The following CPNE4 variants were observed in gnomAD, a reference collection of about 807,000 sequenced individuals.
CPNE4 encodes the protein copine 4.
CPNE4 carries 25 observed loss-of-function variants against 67.9 expected under a neutral mutation model. The ratio of observed to expected loss-of-function variants is 0.37; its 90% CI spans 0.27 to 0.51. CPNE4 has a LOEUF of 0.51. CPNE4 is among the 20% of genes least tolerant of loss of function. The probability of loss-of-function intolerance (pLI) is 0.93; values close to 1 mark genes in which losing one functional copy is unlikely to be tolerated. For missense variants in CPNE4, 464 were observed against 690.8 expected, an observed-to-expected ratio of 0.67 and a Z score of 3.68; for synonymous variants, 242 against 244.9, an observed-to-expected ratio of 0.99 and a Z score of 0.11.
intron 2 of CPNE4, among the ~76,000 whole-genome samples, chr3:131,738,827 A>G (rs1484098602): frequency 6.6e-6 from 1 of 151,168 alleles, no homozygotes; most frequent in African/African-American, 2.4e-5. Flanking sequence ...CATAATATGT[A>G]CATATTCATC....
At chr3:131,743,964 A>AAAAAAAAC (rs1216141914) in intron 2 of CPNE4, among the ~76,000 whole-genome samples, 2 of 143,642 alleles carry the variant, frequency 1.4e-5, no homozygotes, top group African/African-American at 2.7e-5. Context: ...CTCCGTCTCA[A>AAAAAAAAC]AAAAAAAAAA....
chr3:132,006,396 C>T (rs1014549110), intron 1 of CPNE4, among the ~76,000 whole-genome samples: 1 of 152,100 alleles, frequency 6.6e-6, no homozygotes, highest in Non-Finnish European at 1.5e-5. Context: ...TTTCTTACTC[C>T]TCCCCCGCTT....
intron 6 of CPNE4, among the ~76,000 whole-genome samples, chr3:131,684,968 TG>T (rs2080853515): frequency 6.6e-6 from 1 of 152,160 alleles, no homozygotes; most frequent in African/African-American, 2.4e-5. Flanking sequence ...ACTAAGTGGC[TG>T]CTAAGAAAGG....
At chr3:131,557,168 G>A (rs549479334) in intron 11 of CPNE4, among the ~76,000 whole-genome samples, 1 of 152,252 alleles carries the variant, frequency 6.6e-6, no homozygotes, top group African/African-American at 2.4e-5. Flanking sequence ...TAGTTGTGCT[G>A]TCGGGTGGCT....
intron 7 of CPNE4, among the ~76,000 whole-genome samples, chr3:131,631,683 C>T (rs2079224879): frequency 6.6e-6 from 1 of 151,800 alleles, no homozygotes; most frequent in Admixed American, 6.6e-5. Flanking sequence ...GAGAGAATTG[C>T]CTCTTATAAT....
chr3:131,581,720 A>C, intron 8 of CPNE4, 55 bp from the exon 9 acceptor site: 2 of 1,278,268 alleles, frequency 1.6e-6, no homozygotes, highest in Non-Finnish European at 2.3e-6. Context: ...GAGTCTTTCA[A>C]TAAGGCCAAG....
intron 1 of CPNE4, among the ~76,000 whole-genome samples, chr3:131,974,730 G>A (rs1583540865): frequency 6.6e-6 from 1 of 152,296 alleles, no homozygotes; most frequent in South Asian, 2.1e-4. Flanking sequence ...GAGATGGGCT[G>A]GGCCCAGTGG....
At chr3:131,838,124 C>A (rs1463029506) in intron 2 of CPNE4, among the ~76,000 whole-genome samples, 2 of 151,748 alleles carry the variant, frequency 1.3e-5, no homozygotes, top group Non-Finnish European at 2.9e-5. Context: ...ATTTTTGCAG[C>A]TTCTATGTTA....
At chr3:132,003,074 A>G (rs778960358) in intron 1 of CPNE4, among the ~76,000 whole-genome samples, 2 of 152,154 alleles carry the variant, frequency 1.3e-5, no homozygotes, top group Non-Finnish European at 2.9e-5. Context: ...AACAGAGTTA[A>G]ATGAATTAAC....
At chr3:131,995,092 C>T (rs565070810) in intron 1 of CPNE4, among the ~76,000 whole-genome samples, 2 of 152,024 alleles carry the variant, frequency 1.3e-5, no homozygotes, top group Non-Finnish European at 2.9e-5. Context: ...TGGGCTCAAG[C>T]GATCCTCCAA....
intron 10 of CPNE4, among the ~76,000 whole-genome samples, chr3:131,571,026 C>CCTT (rs946749084): frequency 1.2e-4 from 19 of 152,060 alleles, no homozygotes; most frequent in African/African-American, 3.9e-4. Flanking sequence ...CACTTCTTTA[C>CCTT]CTTCTGTTTA....
At chr3:132,037,043 G>A (rs1408283836), upstream of CPNE4, among the ~76,000 whole-genome samples, 1 of 152,212 alleles carries the variant, frequency 6.6e-6, no homozygotes, top group Non-Finnish European at 1.5e-5. Context: ...GATAGGGGTT[G>A]TTCATTGAAG....
At chr3:131,916,347 GAA>G (rs35520224) in intron 1 of CPNE4, among the ~76,000 whole-genome samples, 3,886 of 117,764 alleles carry the variant, frequency 0.033, 84 homozygotes, top group African/African-American at 0.082. Context: ...TTTCCAGTTA[GAA>G]AAAAAAAAAA....
intron 7 of CPNE4, among the ~76,000 whole-genome samples, chr3:131,615,889 T>TCTCACACA (rs1432154610): frequency 1.0e-5 from 1 of 100,266 alleles, no homozygotes; most frequent in South Asian, 3.1e-4. Flanking sequence ...CATCTCTCTC[T>TCTCACACA]CTCACACACA....
At chr3:131,810,278 G>T (rs1335385080) in intron 2 of CPNE4, among the ~76,000 whole-genome samples, 2 of 151,988 alleles carry the variant, frequency 1.3e-5, no homozygotes, top group Non-Finnish European at 2.9e-5. Flanking sequence ...TGAAATGGGA[G>T]AATATTTTTG....
chr3:131,995,213 C>G (rs77917893), intron 1 of CPNE4, among the ~76,000 whole-genome samples: 1,913 of 152,218 alleles, frequency 0.013, 38 homozygotes, highest in African/African-American at 0.044. Flanking sequence ...CTCTCACACA[C>G]TCACACACCT....
chr3:131,934,830 A>T (rs1012300933), intron 1 of CPNE4, among the ~76,000 whole-genome samples: 1 of 152,256 alleles, frequency 6.6e-6, no homozygotes, highest in African/African-American at 2.4e-5. Context: ...CTAAAAAGGC[A>T]TTGGCTGCTG....
At chr3:131,738,131 T>C (rs1330887749) in intron 2 of CPNE4, among the ~76,000 whole-genome samples, 2 of 152,230 alleles carry the variant, frequency 1.3e-5, no homozygotes, top group East Asian at 3.8e-4. Context: ...ACAGGATAGA[T>C]ATTCTGTGTG....
intron 1 of CPNE4, among the ~76,000 whole-genome samples, chr3:131,909,899 G>A (rs1458679635): frequency 6.6e-6 from 1 of 150,936 alleles, no homozygotes; most frequent in Admixed American, 6.6e-5. Flanking sequence ...CACATGTTTA[G>A]AGTTTTTTAA....
Sources: allele counts gnomAD v4.1 joint callset (sites outside exome capture counted in the v4.1 genomes callset), GRCh38; gene constraint gnomAD v4.1.1; transcripts MANE v1.5; gene names NCBI Gene and HGNC (gene_info 2026-07-23, HGNC 2026-07-21).